The following TGM6 variants were observed in gnomAD, a reference collection of about 807,000 sequenced individuals.
TGM6 encodes the protein transglutaminase 6.
A neutral mutation model predicts 77.5 loss-of-function variants in TGM6; 74 were observed. The ratio of observed to expected loss-of-function variants is 0.96; its 90% CI spans 0.79 to 1.16. The LOEUF (loss-of-function observed/expected upper bound fraction) is 1.16. Among genes scored for constraint, TGM6 ranks in the 50% most tolerant of loss-of-function variants. The pLI is 0.00. For synonymous variants in TGM6, 383 were observed against 378.9 expected, an observed-to-expected ratio of 1.01 and a Z score of -0.12; for missense variants, 968 against 940.2, an observed-to-expected ratio of 1.03 and a Z score of -0.39.
intron 1 of TGM6, among the ~76,000 whole-genome samples, chr20:2,386,818 A>T (rs898192692): frequency 1.4e-4 from 21 of 152,042 alleles, no homozygotes; most frequent in African/African-American, 4.8e-4. Context: ...AAGGGGGGAA[A>T]CCAGTGCAGG....
rs772709900 is a variant in TGM6, at chr20:2,395,349, C to A, written c.337C>A (p.Leu113Met). 6.2e-7 allele frequency: 1 copy of A among 1,614,132 alleles called. No homozygotes were observed. Among genetic ancestry groups the A allele is most frequent in the Non-Finnish European group, 8.5e-7 (1 of 1,180,046 alleles). Residue 113 changes from leucine (L) to methionine (M), a missense_variant, in exon 3 of 13, where the codon CTG becomes ATG. Leu to Met is a conservative substitution (Grantham distance 15). Transcript: ENST00000202625. ...SPPSAVIGRY[L>M]LSIRLSSHRK... ...TCCCAGTGCTGTCATTGGCCGCTAC[C>A]TGCTGAGCATCAGGCTTTCCTCTCA...
At chr20:2,417,683 G>T in intron 10 of TGM6, 110 bp downstream of exon 10, 1 of 1,239,856 alleles carries the variant, frequency 8.1e-7, no homozygotes, top group South Asian at 1.3e-5. Context: ...GGAAGGAAGG[G>T]GACATTCCTG....
Position 2,399,608 on chromosome 20 carries a change from C to A in TGM6, c.720C>A (p.Gly240=), listed in dbSNP as rs765494072. 1 of 1,612,452 alleles carries A rather than the reference C, an allele frequency of 6.2e-7. No individual in the cohort carries two copies. The highest frequency in any genetic ancestry group is 8.5e-7 in the Non-Finnish European group (1 of 1,179,926). The part of the protein sequence containing the change: ...DRGVVQGQWQ[G]KYGGGTSPLH... Reference sequence around the variant, plus strand: ...GTGTGGTGCAAGGACAGTGGCAGGGCAAGTACGGCGGCGGCACCAGCCCGC... The same window carrying A: ...GTGTGGTGCAAGGACAGTGGCAGGGAAAGTACGGCGGCGGCACCAGCCCGC... The change falls in exon 6 of 13, where the codon GGC becomes GGA. Residue 240 remains glycine (G), a synonymous_variant. Coordinates refer to ENST00000202625, the MANE Select transcript of TGM6 (RefSeq NM_198994.3).
intron 10 of TGM6, among the ~76,000 whole-genome samples, chr20:2,425,262 G>T (rs2084880056): frequency 6.6e-6 from 1 of 151,926 alleles, no homozygotes; most frequent in South Asian, 2.1e-4. Context: ...CAGGAGGATT[G>T]CTTGAGCCCA....
At chr20:2,419,429 T>C (rs1765912819) in intron 10 of TGM6, among the ~76,000 whole-genome samples, 1 of 152,208 alleles carries the variant, frequency 6.6e-6, no homozygotes. Context: ...AAAGTCTAAA[T>C]CACAAAATAA....
intron 9 of TGM6, among the ~76,000 whole-genome samples, chr20:2,406,687 T>C (rs1215337432): frequency 6.6e-6 from 1 of 150,750 alleles, no homozygotes; most frequent in East Asian, 1.9e-4. Context: ...AATACAAAAT[T>C]AGCCAGGCAT....
intron 10 of TGM6, among the ~76,000 whole-genome samples, chr20:2,420,986 A>T (rs2084851923): frequency 6.8e-6 from 1 of 146,474 alleles, no homozygotes; most frequent in African/African-American, 2.5e-5. Context: ...TGAGTTTTTA[A>T]TTTTTTTTTT....
At chr20:2,396,371 C>T in intron 3 of TGM6, 135 bp from the exon 4 acceptor site, 5 of 844,894 alleles carry the variant, frequency 5.9e-6, no homozygotes, top group South Asian at 5.5e-5. Flanking sequence ...CGGGAGCTCG[C>T]AAGCCCCCTC....
At chr20:2,403,284 A>C (rs1444426316) in intron 7 of TGM6, 113 bp from the exon 8 acceptor site, 2 of 1,072,170 alleles carry the variant, frequency 1.9e-6, no homozygotes, top group South Asian at 1.3e-5. Flanking sequence ...GATTCACAAC[A>C]TGCAGCCACA....
intron 1 of TGM6, among the ~76,000 whole-genome samples, chr20:2,385,156 G>A: frequency 6.6e-6 from 1 of 152,182 alleles, no homozygotes; most frequent in East Asian, 1.9e-4. Context: ...GAGGGAGATG[G>A]TCTCTGAGAT....
intron 5 of TGM6, 141 bp from the exon 6 acceptor site, chr20:2,399,420 G>GAT (rs2084689841): frequency 7.6e-6 from 8 of 1,050,864 alleles, no homozygotes; most frequent in Non-Finnish European, 1.2e-5. Flanking sequence ...GGCAACAGAT[G>GAT]CCCCTAATTT....
chr20:2,393,466 T>A (rs975130633), intron 1 of TGM6, among the ~76,000 whole-genome samples: 1 of 152,230 alleles, frequency 6.6e-6, no homozygotes, highest in African/African-American at 2.4e-5. Context: ...TAGGTGAACA[T>A]TCAGGCATGA....
At chr20:2,413,925 A>G (rs2084799113) in intron 9 of TGM6, among the ~76,000 whole-genome samples, 1 of 152,236 alleles carries the variant, frequency 6.6e-6, no homozygotes, top group African/African-American at 2.4e-5. Flanking sequence ...TGTCCTGCAA[A>G]CAGCACCATC....
Position 2,395,480 on chromosome 20 carries a change from T to C in TGM6, c.424+44T>C, listed in dbSNP as rs73894931. ...AATGCAGAGGTTTTTCCAAAAGACA[T>C]CCTTAGAGGAGAGCCTGCCCTTGGA... On this transcript the variant is annotated intron_variant, in intron 3 of 12. Coordinates refer to ENST00000202625, the MANE Select transcript of TGM6 (RefSeq NM_198994.3). 3.6e-3 allele frequency: 5,750 copies of C among 1,614,042 alleles called. 160 individuals are homozygous for C. The African/African-American group carries it at 0.062, about 17-fold the overall frequency.
At chr20:2,414,502 A>C (rs2084802550) in intron 9 of TGM6, among the ~76,000 whole-genome samples, 1 of 152,204 alleles carries the variant, frequency 6.6e-6, no homozygotes, top group Non-Finnish European at 1.5e-5. Context: ...AAACACTTTG[A>C]CAGTTTCTCA....
intron 1 of TGM6, among the ~76,000 whole-genome samples, chr20:2,389,177 G>A (rs1246894723): frequency 6.6e-6 from 1 of 152,122 alleles, no homozygotes; most frequent in Non-Finnish European, 1.5e-5. Flanking sequence ...TTGCTCAGGG[G>A]AAACTAAGCA....
chr20:2,424,474 C>G (rs529002902), intron 10 of TGM6, among the ~76,000 whole-genome samples: 1 of 152,198 alleles, frequency 6.6e-6, no homozygotes, highest in African/African-American at 2.4e-5. Flanking sequence ...AGCTTCCTAA[C>G]ATCTCTCAAT....
intron 8 of TGM6, 32 bp downstream of exon 8, chr20:2,403,532 C>A: frequency 1.2e-6 from 2 of 1,614,150 alleles, no homozygotes; most frequent in Non-Finnish European, 1.7e-6. Context: ...AAGTTCCAGA[C>A]CCCTGCTTTT....
chr20:2,402,908 C>T (rs2084721140), intron 7 of TGM6, among the ~76,000 whole-genome samples: 1 of 152,166 alleles, frequency 6.6e-6, no homozygotes, highest in African/African-American at 2.4e-5. Flanking sequence ...TTTGCACATG[C>T]TGTTCCTTCT....
Sources: allele counts gnomAD v4.1 joint callset (sites outside exome capture counted in the v4.1 genomes callset), GRCh38; gene constraint gnomAD v4.1.1; transcripts MANE v1.5; gene names NCBI Gene and HGNC (gene_info 2026-07-23, HGNC 2026-07-21).